DGKB: variants seen among roughly 807,000 people sequenced by gnomAD.
DGKB encodes the protein diacylglycerol kinase beta.
A neutral mutation model predicts 114.3 loss-of-function variants in DGKB; 67 were observed. The ratio of observed to expected loss-of-function variants is 0.59; its 90% confidence interval spans 0.48 to 0.72. The LOEUF (loss-of-function observed/expected upper bound fraction) is 0.72, where lower values mean the gene tolerates loss of function less well. Ranked by LOEUF, DGKB falls within the 30% of genes least tolerant of loss-of-function variation. DGKB has a pLI of 0.00. For missense variants in DGKB, 907 were observed against 975.2 expected, an observed-to-expected ratio of 0.93 and a Z score of 0.93; for synonymous variants, 398 against 323.1, an observed-to-expected ratio of 1.23 and a Z score of -2.49.
chr7:14,400,353 AG>A (rs1822913386), intron 21 of DGKB, among the ~76,000 whole-genome samples: 1 of 151,958 alleles, frequency 6.6e-6, no homozygotes, highest in Admixed American at 6.6e-5. Flanking sequence ...CGAGTATTTC[AG>A]GTCTCTTCTG....
chr7:14,295,567 T>C (rs759141454), intron 23 of DGKB, among the ~76,000 whole-genome samples: 1 of 148,646 alleles, frequency 6.7e-6, no homozygotes, highest in African/African-American at 2.5e-5. Context: ...GACTCACCTA[T>C]TTTTTTTTTA....
chr7:14,212,739 G>A (rs917671880), intron 23 of DGKB, among the ~76,000 whole-genome samples: 3 of 152,060 alleles, frequency 2.0e-5, no homozygotes, highest in South Asian at 2.1e-4. Context: ...CTAACTCATC[G>A]TTCTCTTTGC....
intron 23 of DGKB, among the ~76,000 whole-genome samples, chr7:14,328,174 A>G (rs1046704125): frequency 5.3e-5 from 8 of 152,112 alleles, no homozygotes; most frequent in African/African-American, 1.7e-4. Context: ...GTAAGAAAAT[A>G]TGTTTTATGT....
Position 14,153,957 on chromosome 7 carries a change from G to A in DGKB, c.2305-4719C>T, listed in dbSNP as rs28615494. Among the ~76,000 whole-genome samples, 830 of 152,056 alleles carry A rather than the reference G, an allele frequency of 5.5e-3. 7 individuals are homozygous for A. The highest frequency in any genetic ancestry group is 0.019 in the African/African-American group (770 of 41,502). On this transcript the variant is annotated intron_variant, in intron 25 of 25. Transcript: ENST00000402815. ...ACATTTTCAGTCACAAAAGTATCTAGAGAATTTGCCTCTTATGTACCCTTT... is the reference window on the plus strand; with the variant it reads ...ACATTTTCAGTCACAAAAGTATCTAAAGAATTTGCCTCTTATGTACCCTTT...
At chr7:14,966,707 C>A (rs1019664025) in intron 1 of DGKB, among the ~76,000 whole-genome samples, 4 of 151,990 alleles carry the variant, frequency 2.6e-5, no homozygotes, top group African/African-American at 9.7e-5. Flanking sequence ...TTATTTTTGG[C>A]CCCATTCCAT....
At chr7:14,752,217 G>GT (rs966567746) in intron 4 of DGKB, among the ~76,000 whole-genome samples, 2 of 152,010 alleles carry the variant, frequency 1.3e-5, no homozygotes, top group African/African-American at 2.4e-5. Context: ...CAGTAAAAAG[G>GT]TTTTTATATC....
intron 1 of DGKB, among the ~76,000 whole-genome samples, chr7:14,963,622 A>G (rs1257168704): frequency 1.3e-5 from 2 of 152,196 alleles, no homozygotes; most frequent in South Asian, 2.1e-4. Context: ...TTGAGAATCA[A>G]TTCACTTACT....
chr7:14,537,251 A>G (rs1395645958), intron 20 of DGKB, among the ~76,000 whole-genome samples: 1 of 152,146 alleles, frequency 6.6e-6, no homozygotes, highest in Non-Finnish European at 1.5e-5. Flanking sequence ...GCTAAAATTC[A>G]TCTATATATT....
chr7:14,894,056 A>G (rs1781720758), intron 1 of DGKB, among the ~76,000 whole-genome samples: 1 of 151,256 alleles, frequency 6.6e-6, no homozygotes, highest in Non-Finnish European at 1.5e-5. Context: ...AATGTGCTCC[A>G]GGGTTTCCAA....
chr7:14,478,046 G>A (rs3801363), intron 21 of DGKB, 115 bp downstream of exon 21: 26,610 of 503,708 alleles, frequency 0.053, 602 homozygotes, highest in African/African-American at 0.081. Flanking sequence ...ACACACACAC[G>A]CACACAAAGC....
At chr7:14,952,913 C>T (rs1165413440) in intron 1 of DGKB, among the ~76,000 whole-genome samples, 11 of 152,000 alleles carry the variant, frequency 7.2e-5, no homozygotes, top group Non-Finnish European at 1.6e-4. Flanking sequence ...AATAAACCAT[C>T]ACATTTACAA....
At chr7:14,934,288 C>G (rs541655587) in intron 1 of DGKB, among the ~76,000 whole-genome samples, 2 of 152,058 alleles carry the variant, frequency 1.3e-5, no homozygotes, top group Non-Finnish European at 2.9e-5. Context: ...AGAGAAATAT[C>G]TCTTTTTAAA....
intron 13 of DGKB, 114 bp downstream of exon 13, chr7:14,672,815 T>G (rs1456543081): frequency 3.7e-6 from 2 of 544,712 alleles, no homozygotes; most frequent in East Asian, 5.9e-5. Flanking sequence ...ATTTTAGATC[T>G]ATATACTTCT....
intron 21 of DGKB, among the ~76,000 whole-genome samples, chr7:14,367,647 C>T (rs1050062563): frequency 5.9e-5 from 9 of 151,980 alleles, no homozygotes; most frequent in Admixed American, 2.0e-4. Flanking sequence ...TTATATTAGT[C>T]TGTTTTCACA....
chr7:14,890,682 G>C (rs774442790), intron 1 of DGKB, among the ~76,000 whole-genome samples: 1 of 150,936 alleles, frequency 6.6e-6, no homozygotes, highest in Non-Finnish European at 1.5e-5. Context: ...CATAGCACTG[G>C]GGAAAATACA....
rs1798143271 is a variant in DGKB at position 14,270,647 on chromosome 7, T to C, written c.2122+67868A>G. ...GTTAAAAACTATATTTTGGTTCTCTTTTCTAATTGATGATCTTAAGAAAAC... is the reference window on the plus strand; with the variant it reads ...GTTAAAAACTATATTTTGGTTCTCTCTTCTAATTGATGATCTTAAGAAAAC... On this transcript the variant is annotated intron_variant, in intron 23 of 25. Coordinates refer to ENST00000402815, the MANE Select transcript of DGKB (RefSeq NM_001350709.2). 2.6e-5 allele frequency among the ~76,000 whole-genome samples: 4 copies of C among 152,242 alleles called. No individual in the cohort carries two copies. The South Asian group carries it at 8.3e-4, about 32-fold the overall frequency.
intron 5 of DGKB, among the ~76,000 whole-genome samples, chr7:14,734,020 C>CGTGTGT (rs71004332): frequency 0.039 from 5,826 of 148,222 alleles, 320 homozygotes; most frequent in African/African-American, 0.13. Flanking sequence ...TATACCAACA[C>CGTGTGT]GTGTGTGTGT....
intron 20 of DGKB, among the ~76,000 whole-genome samples, chr7:14,529,467 A>G (rs1791199142): frequency 1.3e-5 from 2 of 151,900 alleles, no homozygotes; most frequent in African/African-American, 4.8e-5. Flanking sequence ...CCTGAAATAA[A>G]GATCATGTTG....
chr7:14,657,886 A>T (rs1381472874), intron 13 of DGKB, among the ~76,000 whole-genome samples: 1 of 151,942 alleles, frequency 6.6e-6, no homozygotes, highest in Non-Finnish European at 1.5e-5. Flanking sequence ...AGATGAAAAA[A>T]TCTACAGAAA....
Sources: allele counts gnomAD v4.1 joint callset (sites outside exome capture counted in the v4.1 genomes callset), GRCh38; gene constraint gnomAD v4.1.1; transcripts MANE v1.5; gene names NCBI Gene and HGNC (gene_info 2026-07-23, HGNC 2026-07-21).